CIBAR2: variants seen among roughly 807,000 people sequenced by gnomAD.
CIBAR2 encodes the protein CBY1 interacting BAR domain containing 2.
In CIBAR2, 38 loss-of-function variants were observed where a neutral mutation model predicts 36.2. The ratio of observed to expected loss-of-function variants is 1.05; its 90% confidence interval spans 0.81 to 1.38. The LOEUF (loss-of-function observed/expected upper bound fraction) is 1.38. Among genes scored for constraint, CIBAR2 ranks in the 40% most tolerant of loss-of-function variants. The probability of loss-of-function intolerance (pLI) is 0.00; values close to 1 mark genes in which losing one functional copy is unlikely to be tolerated. For missense variants in CIBAR2, 481 were observed against 383.4 expected (o/e 1.25, Z -2.13); for synonymous variants, 182 against 149.5 (o/e 1.22, Z -1.58).
At chr16:85,099,472 G>A in intron 8 of CIBAR2, 126 bp from the exon 9 acceptor site, 1 of 651,386 alleles carries the variant, frequency 1.5e-6, no homozygotes. Flanking sequence ...CGGGCCCACG[G>A]GCTGGGATGG....
Position 85,110,124 on chromosome 16 carries a change from T to C in CIBAR2, c.255+102A>G, listed in dbSNP as rs2074028679. 5 of 820,960 alleles carry C rather than the reference T, an allele frequency of 6.1e-6. No homozygotes were observed. The Admixed American group carries it at 7.8e-5, about 13-fold the overall frequency. The allele number at this position is 820,960 out of a possible 1,614,324, so 50.9% of individuals were successfully genotyped here. On this transcript the variant is annotated intron_variant, in intron 2 of 8. Coordinates refer to ENST00000539556, the MANE Select transcript of CIBAR2 (RefSeq NM_198491.3). ...GTGGATGTCTCTGGAGACACACCCA[T>C]TGGCTGTGGCCACAGCAGGGCTCCT... is the stretch of plus-strand genomic sequence containing the variant.
chr16:85,111,428 G>A (rs1483267735), intron 1 of CIBAR2, among the ~76,000 whole-genome samples: 1 of 152,192 alleles, frequency 6.6e-6, no homozygotes. Flanking sequence ...CCCGCAGGTA[G>A]GGTCCTCACA....
chr16:85,098,663 A>T lies in CIBAR2; in HGVS notation c.*522T>A. On this transcript the variant is annotated 3_prime_UTR_variant, in exon 9 of 9. Transcript: ENST00000539556. ...TCCTCCCCTTCTTTTCCTGGGCTCCATATGGTGCTCTGAGCACTCTAAATA... is the reference window on the plus strand; with the variant it reads ...TCCTCCCCTTCTTTTCCTGGGCTCCTTATGGTGCTCTGAGCACTCTAAATA... The T allele has an allele frequency of 2.0e-6, 2 of 978,384 alleles. No individual in the cohort carries two copies. Among genetic ancestry groups the T allele is most frequent in the Non-Finnish European group, 2.4e-6 (2 of 823,238 alleles). The allele number at this position is 978,384 out of a possible 1,614,324, so 60.6% of individuals were successfully genotyped here.
At chr16:85,108,131 C>A in intron 2 of CIBAR2, 32 bp from the exon 3 acceptor site, 1 of 1,581,946 alleles carries the variant, frequency 6.3e-7, no homozygotes, top group Non-Finnish European at 8.6e-7. Context: ...GGGATCTGAG[C>A]GCAGGGTGCT....
chr16:85,111,357 C>G (rs956545897), intron 1 of CIBAR2, among the ~76,000 whole-genome samples: 35 of 152,202 alleles, frequency 2.3e-4, no homozygotes, highest in African/African-American at 8.0e-4. Context: ...ATGCAGTGAA[C>G]TGAGGCCCAG....
chr16:85,105,921 A>G (rs1468847696), intron 5 of CIBAR2, among the ~76,000 whole-genome samples: 2 of 152,122 alleles, frequency 1.3e-5, no homozygotes, highest in African/African-American at 2.4e-5. Context: ...AGAGTCAAAC[A>G]CCTTGGAGCT....
At chr16:85,105,743 A>T (rs2073991211) in intron 5 of CIBAR2, among the ~76,000 whole-genome samples, 1 of 152,218 alleles carries the variant, frequency 6.6e-6, no homozygotes, top group Admixed American at 6.5e-5. Context: ...GCTGTTGTAG[A>T]AATTAAACAG....
At chr16:85,100,265 TG>T in intron 7 of CIBAR2, 25 bp from the exon 8 acceptor site, 1 of 1,453,570 alleles carries the variant, frequency 6.9e-7, no homozygotes, top group Non-Finnish European at 9.6e-7. Flanking sequence ...CCAGGGTGGG[TG>T]GGATCCGATG....
rs976156156 is a variant in CIBAR2 at position 85,102,217 on chromosome 16, T to C, written c.648A>G (p.Leu216=). 2.6e-6 allele frequency: 4 copies of C among 1,551,124 alleles called. No individual in the cohort carries two copies. The highest frequency in any genetic ancestry group is 3.6e-6 in the Non-Finnish European group (4 of 1,122,540). Residue 216 remains leucine (L), a synonymous_variant, in exon 7 of 9, where the codon CTA becomes CTG. Transcript: ENST00000539556. ...TLEKYDLERD[L]LDFRAKMQGV... ...AAACGGGGTGTCTGTGACTCACCAG[T>C]AGATCCCTCTCCAGGTCATACTTCT...
intron 5 of CIBAR2, among the ~76,000 whole-genome samples, chr16:85,106,033 G>A (rs1459288193): frequency 6.6e-6 from 1 of 152,168 alleles, no homozygotes; most frequent in Admixed American, 6.5e-5. Context: ...CCACCTTCGT[G>A]TTTGTGAAAC....
Position 85,105,351 on chromosome 16 carries a change from C to T in CIBAR2, c.513G>A (p.Gln171=). ...LQLEETVDGF[Q]RQKLKDLQKF... ...CCTGCAGGTCCTTGAGCTTCTGCCT[C>T]TGGAAGCCATCCACAGTCTCCTCCA... is the stretch of plus-strand genomic sequence containing the variant. The change falls in exon 6 of 9, where the codon CAG becomes CAA. Residue 171 remains glutamine (Q), a synonymous_variant. Coordinates refer to ENST00000539556, the MANE Select transcript of CIBAR2 (RefSeq NM_198491.3). The T allele has an allele frequency of 6.2e-7, 1 of 1,613,488 alleles. No homozygotes were observed. Among genetic ancestry groups the T allele is most frequent in the Admixed American group, 1.7e-5 (1 of 60,030 alleles).
Position 85,112,417 on chromosome 16 carries a change from G to A in CIBAR2, c.-65C>T, listed in dbSNP as rs1003140331. Reference sequence around the variant, plus strand: ...GGACAGGGCCCCAGGGGTCCTGCAGGCCTGGGAGGAGCCGGGCAGGGCTGG... The same window carrying A: ...GGACAGGGCCCCAGGGGTCCTGCAGACCTGGGAGGAGCCGGGCAGGGCTGG... On this transcript the variant is annotated 5_prime_UTR_variant, in exon 1 of 9. Transcript: ENST00000539556. 1.3e-6 allele frequency: 2 copies of A among 1,521,570 alleles called. No individual in the cohort carries two copies. Among genetic ancestry groups the A allele is most frequent in the South Asian group, 1.1e-5 (1 of 89,216 alleles). The allele number at this position is 1,521,570 out of a possible 1,614,324, so 94.3% of individuals were successfully genotyped here.
intron 1 of CIBAR2, among the ~76,000 whole-genome samples, 182 bp downstream of exon 1, chr16:85,112,151 G>C (rs2074047606): frequency 6.6e-6 from 1 of 152,230 alleles, no homozygotes; most frequent in Non-Finnish European, 1.5e-5. Context: ...AGCTTCTGTA[G>C]TCCCAAGCCC....
chr16:85,102,150 G>T, intron 7 of CIBAR2, 64 bp downstream of exon 7: 3 of 939,306 alleles, frequency 3.2e-6, no homozygotes, highest in Non-Finnish European at 3.4e-6. Context: ...CTTCTATCAA[G>T]ACAAAACCAA....
intron 2 of CIBAR2, among the ~76,000 whole-genome samples, chr16:85,109,250 ATT>A (rs111740255): frequency 0.014 from 2,057 of 151,158 alleles, 49 homozygotes; most frequent in African/African-American, 0.048. Context: ...ATCTCTTAAA[ATT>A]TTTTTTTTAA....
rs113607126 is a variant in CIBAR2 at position 85,112,472 on chromosome 16, C to G, written c.-120G>C. 2.0e-6 allele frequency: 2 copies of G among 1,019,054 alleles called. No individual in the cohort carries two copies. The highest frequency in any genetic ancestry group is 3.0e-6 in the Non-Finnish European group (2 of 658,448). 63.1% of individuals were successfully genotyped at this position (1,019,054 alleles called of 1,614,324 possible). ...AGCTGTGTGGCCTGGGCTCAAGGGACGCTGCCACCCGGTTGCTAGGCGATG... is the reference window on the plus strand; with the variant it reads ...AGCTGTGTGGCCTGGGCTCAAGGGAGGCTGCCACCCGGTTGCTAGGCGATG... On this transcript the variant is annotated 5_prime_UTR_variant, in exon 1 of 9. Transcript: ENST00000539556.
At chr16:85,106,174 C>T (rs62051660) in intron 5 of CIBAR2, among the ~76,000 whole-genome samples, 4,947 of 152,122 alleles carry the variant, frequency 0.033, 229 homozygotes, top group African/African-American at 0.1. Context: ...GGATAGAATC[C>T]GGAGGTGCTC....
At chr16:85,103,228 T>A (rs1281425780) in intron 6 of CIBAR2, among the ~76,000 whole-genome samples, 2 of 152,166 alleles carry the variant, frequency 1.3e-5, no homozygotes. Flanking sequence ...TTCTGCCACA[T>A]GCGGACTCAT....
chr16:85,099,605 G>A (rs1274903222), intron 8 of CIBAR2, among the ~76,000 whole-genome samples: 2 of 151,284 alleles, frequency 1.3e-5, no homozygotes, highest in African/African-American at 2.4e-5. Flanking sequence ...ACTGGGTGAC[G>A]TGGCTTCATT....
Sources: gnomAD v4.1 joint callset for allele counts (sites outside exome capture counted in the v4.1 genomes callset) on GRCh38, gnomAD v4.1.1 for gene constraint, MANE v1.5 for transcripts, NCBI Gene and HGNC (gene_info 2026-07-23, HGNC 2026-07-21) for gene names.